Variants in DLGAP1 observed in about 807,000 individuals in gnomAD.
DLGAP1 encodes disks large-associated protein 1.
Under a neutral mutation model 90.8 loss-of-function variants are expected in DLGAP1, and 11 were observed. That is an observed-to-expected ratio of 0.12 (90% CI 0.08 to 0.20). DLGAP1 has a LOEUF of 0.20. Ranked by LOEUF, DLGAP1 falls within the 10% of genes least tolerant of loss-of-function variation. The pLI is 1.00. For synonymous variants in DLGAP1, 558 were observed against 540.7 expected (o/e 1.03, Z -0.44); for missense variants, 1,050 against 1,333.8 (o/e 0.79, Z 3.31).
At chr18:3,949,888 T>G (rs1292822591) in intron 3 of DLGAP1, among the ~76,000 whole-genome samples, 1 of 152,220 alleles carries the variant, frequency 6.6e-6, no homozygotes, top group Non-Finnish European at 1.5e-5. Context: ...ACACCTTTTT[T>G]AGTCCACATG....
intron 2 of DLGAP1, among the ~76,000 whole-genome samples, chr18:4,097,298 C>G (rs2075698790): frequency 6.6e-6 from 1 of 152,198 alleles, no homozygotes; most frequent in African/African-American, 2.4e-5. Context: ...TCAGAGCTGT[C>G]CTTACTGCCC....
At chr18:4,232,728 G>A (rs1048862156) in intron 1 of DLGAP1, among the ~76,000 whole-genome samples, 7 of 152,160 alleles carry the variant, frequency 4.6e-5, no homozygotes, top group Non-Finnish European at 8.8e-5. Flanking sequence ...CATGGTCAAG[G>A]AAAAATGCAC....
At chr18:3,830,003 C>T (rs2148547409) in intron 4 of DLGAP1, among the ~76,000 whole-genome samples, 1 of 152,192 alleles carries the variant, frequency 6.6e-6, no homozygotes, top group Non-Finnish European at 1.5e-5. Context: ...TGCATATGCT[C>T]CGTTCATTTT....
At chr18:4,202,541 T>C (rs1360078440) in intron 1 of DLGAP1, among the ~76,000 whole-genome samples, 4 of 152,234 alleles carry the variant, frequency 2.6e-5, no homozygotes, top group Non-Finnish European at 5.9e-5. Flanking sequence ...AGATCAAAGC[T>C]AGTTGAAATC....
At chr18:4,285,355 A>C (rs2145465042) in intron 1 of DLGAP1, among the ~76,000 whole-genome samples, 1 of 152,332 alleles carries the variant, frequency 6.6e-6, no homozygotes, top group Non-Finnish European at 1.5e-5. Flanking sequence ...AACTAGTTAA[A>C]AACAAGTATC....
chr18:4,088,429 T>TTGTGTG (rs35217865), intron 2 of DLGAP1, among the ~76,000 whole-genome samples: 1 of 148,454 alleles, frequency 6.7e-6, no homozygotes, highest in East Asian at 1.9e-4. Flanking sequence ...TAATTTTCCT[T>TTGTGTG]TGTGTGTGTG....
intron 5 of DLGAP1, among the ~76,000 whole-genome samples, chr18:3,767,547 C>A (rs2064308815): frequency 6.6e-6 from 1 of 151,958 alleles, no homozygotes; most frequent in African/African-American, 2.4e-5. Flanking sequence ...GAATTATACA[C>A]CATGACCAAG....
chr18:3,696,933 A>C (rs2061114505), intron 7 of DLGAP1, among the ~76,000 whole-genome samples: 1 of 152,114 alleles, frequency 6.6e-6, no homozygotes, highest in South Asian at 2.1e-4. Context: ...GGGAGGATGT[A>C]TGTGTCTAGG....
At chr18:4,362,171 T>C (rs538968599) in intron 1 of DLGAP1, among the ~76,000 whole-genome samples, 15 of 152,306 alleles carry the variant, frequency 9.8e-5, no homozygotes, top group South Asian at 4.1e-4. Context: ...AAAAGTAGTA[T>C]GGTAGTTCCT....
intron 2 of DLGAP1, among the ~76,000 whole-genome samples, chr18:4,048,113 T>C (rs1324370041): frequency 6.6e-6 from 1 of 152,204 alleles, no homozygotes; most frequent in African/African-American, 2.4e-5. Context: ...AACTTCTTTT[T>C]GAATTAGAAG....
chr18:4,443,836 T>C (rs2083595546), intron 1 of DLGAP1, among the ~76,000 whole-genome samples: 1 of 152,234 alleles, frequency 6.6e-6, no homozygotes, highest in Non-Finnish European at 1.5e-5. Context: ...GTTTTAAACC[T>C]AAACCACAAG....
chr18:4,315,775 C>G (rs1032183117), intron 1 of DLGAP1, among the ~76,000 whole-genome samples: 1 of 150,852 alleles, frequency 6.6e-6, no homozygotes, highest in Non-Finnish European at 1.5e-5. Context: ...GATTATTTGC[C>G]TCTAACATTT....
At chr18:3,958,562 G>A (rs1176713633) in intron 3 of DLGAP1, among the ~76,000 whole-genome samples, 5 of 147,764 alleles carry the variant, frequency 3.4e-5, no homozygotes, top group Non-Finnish European at 7.4e-5. Flanking sequence ...TTCATTAAAG[G>A]CAATGAAGAG....
intron 7 of DLGAP1, among the ~76,000 whole-genome samples, chr18:3,648,228 T>C (rs2059186188): frequency 6.6e-6 from 1 of 152,234 alleles, no homozygotes; most frequent in African/African-American, 2.4e-5. Context: ...GTTGAAACAT[T>C]GCTAGAAAAA....
At chr18:3,684,071 T>A (rs2060615874) in intron 7 of DLGAP1, among the ~76,000 whole-genome samples, 1 of 152,144 alleles carries the variant, frequency 6.6e-6, no homozygotes. Context: ...ATCCAGCTAG[T>A]TAAATAGCTG....
At chr18:3,843,158 T>C (rs1379831922) in intron 4 of DLGAP1, among the ~76,000 whole-genome samples, 1 of 152,226 alleles carries the variant, frequency 6.6e-6, no homozygotes, top group African/African-American at 2.4e-5. Flanking sequence ...CTTCTTTCTC[T>C]AGATATTCTC....
chr18:3,973,397 C>G (rs1445152869), intron 3 of DLGAP1, among the ~76,000 whole-genome samples: 1 of 151,842 alleles, frequency 6.6e-6, no homozygotes, highest in Admixed American at 6.6e-5. Flanking sequence ...GTCCTGGAAG[C>G]TGCAATTCAT....
intron 1 of DLGAP1, among the ~76,000 whole-genome samples, chr18:4,180,709 G>A (rs1343216484): frequency 1.3e-5 from 2 of 152,050 alleles, no homozygotes; most frequent in Non-Finnish European, 2.9e-5. Flanking sequence ...TTTGTGTTCC[G>A]TTTCTCACAC....
intron 2 of DLGAP1, among the ~76,000 whole-genome samples, chr18:4,009,626 C>T (rs1419023899): frequency 6.6e-6 from 1 of 152,172 alleles, no homozygotes; most frequent in Admixed American, 6.5e-5. Context: ...TTCTCTTCCT[C>T]CTTTGTTGCT....
Sources: allele counts gnomAD v4.1 joint callset (sites outside exome capture counted in the v4.1 genomes callset), GRCh38; gene constraint gnomAD v4.1.1; transcripts MANE v1.5; gene names NCBI Gene and HGNC (gene_info 2026-07-23, HGNC 2026-07-21).